The following TERB2 variants were observed in gnomAD, a reference collection of about 807,000 sequenced individuals.
TERB2 encodes telomere repeat binding bouquet formation protein 2, also known as telomere repeats-binding bouquet formation protein 2.
Under a neutral mutation model 29.8 loss-of-function variants are expected in TERB2, and 26 were observed. The ratio of observed to expected loss-of-function variants is 0.87; its 90% CI spans 0.64 to 1.21. The LOEUF (loss-of-function observed/expected upper bound fraction) is 1.21. TERB2 is among the 50% of genes most tolerant of loss of function. The pLI is 0.00. For synonymous variants in TERB2, 80 were observed against 90.8 expected, an observed-to-expected ratio of 0.88 and a Z score of 0.68; for missense variants, 240 against 268.6, an observed-to-expected ratio of 0.89 and a Z score of 0.74.
intron 6 of TERB2, among the ~76,000 whole-genome samples, chr15:44,977,242 A>G (rs1420980245): frequency 6.6e-6 from 1 of 152,174 alleles, no homozygotes; most frequent in Admixed American, 6.5e-5. Context: ...ATGTCCTTCC[A>G]GTAAACTCCC....
chr15:44,968,284 C>T (rs1332578787), intron 5 of TERB2, among the ~76,000 whole-genome samples: 5 of 152,024 alleles, frequency 3.3e-5, no homozygotes, highest in African/African-American at 1.2e-4. Flanking sequence ...GGCGTGATCT[C>T]GGCTCACTGC....
intron 6 of TERB2, chr15:44,976,276 T>C (rs1421148428): frequency 6.6e-6 from 1 of 152,204 alleles, no homozygotes; most frequent in African/African-American, 2.4e-5. Flanking sequence ...CACAGCTTTT[T>C]GTAAGGTTGC....
At chr15:44,957,129 G>T in intron 2 of TERB2, 152 bp downstream of exon 2, 1 of 858,718 alleles carries the variant, frequency 1.2e-6, no homozygotes, top group East Asian at 2.8e-5. Flanking sequence ...CAGGAGAATC[G>T]CTTGAACTCG....
In TERB2 at chr15:44,978,652, G is replaced by T. The variant is rs1424102828; in HGVS notation, c.*24G>T. ...AGTAAATTAAATTGTAAATACCTTG[G>T]CATTTATTTTCTATAAAATATTATA... On this transcript the variant is annotated 3_prime_UTR_variant, in exon 7 of 7. Transcript: ENST00000340827. 1 of 1,556,916 alleles carries T rather than the reference G, an allele frequency of 6.4e-7. No homozygotes were observed. Among genetic ancestry groups the T allele is most frequent in the Middle Eastern group, 2.3e-4 (1 of 4,334 alleles).
chr15:44,962,615 T>A lies in TERB2; in HGVS notation c.348+1031T>A, dbSNP rs371544977. On this transcript the variant is annotated intron_variant, in intron 4 of 6. Transcript: ENST00000340827. ...AAGAGTCTGTCTGAACCTATTCTGGTTCGGGGGCTGCCTGATTAACCAAAA... is the reference window on the plus strand; with the variant it reads ...AAGAGTCTGTCTGAACCTATTCTGGATCGGGGGCTGCCTGATTAACCAAAA... 3.9e-5 allele frequency among the ~76,000 whole-genome samples: 6 copies of A among 152,108 alleles called. No homozygotes were observed. In the East Asian group the frequency reaches 7.7e-4, roughly 20 times the overall value.
At chr15:44,971,976 A>G (rs1891977698) in intron 5 of TERB2, among the ~76,000 whole-genome samples, 1 of 141,896 alleles carries the variant, frequency 7.0e-6, no homozygotes, top group African/African-American at 2.6e-5. Flanking sequence ...TAAATGAAAT[A>G]GAAGCTTTTT....
In TERB2 at chr15:44,968,463, C is replaced by T. The variant is rs150707315; in HGVS notation, c.434+2220C>T. Among the ~76,000 whole-genome samples, 140 of 152,202 alleles carry T rather than the reference C, an allele frequency of 9.2e-4. No homozygotes were observed. The East Asian group carries it at 0.026, about 28-fold the overall frequency. ...CTCAAATTCCTGGCCTCAAGTGATCCACCTGCTTCAGCCTCCCAAAGTTCT... is the reference window on the plus strand; with the variant it reads ...CTCAAATTCCTGGCCTCAAGTGATCTACCTGCTTCAGCCTCCCAAAGTTCT... On this transcript the variant is annotated intron_variant, in intron 5 of 6. Transcript: ENST00000340827.
chr15:44,966,423 T>C (rs1891889625), intron 5 of TERB2, among the ~76,000 whole-genome samples, 180 bp downstream of exon 5: 1 of 152,046 alleles, frequency 6.6e-6, no homozygotes, highest in African/African-American at 2.4e-5. Context: ...CCCAAAGTCA[T>C]ACAAACTTTA....
intron 5 of TERB2, among the ~76,000 whole-genome samples, chr15:44,967,634 G>A (rs939134232): frequency 1.1e-3 from 164 of 151,300 alleles, no homozygotes; most frequent in African/African-American, 3.9e-3. Context: ...AATGTTTAAG[G>A]TCCTGGTTTG....
In TERB2 at chr15:44,961,522, GA is replaced by G; in HGVS notation, c.289del (p.Ile97Ter). The G allele has an allele frequency of 1.3e-6, 2 of 1,585,366 alleles. No homozygotes were observed. The highest frequency in any genetic ancestry group is 1.7e-6 in the Non-Finnish European group (2 of 1,167,118). On this transcript the variant is annotated frameshift_variant and splice_region_variant, in exon 4 of 7. Transcript: ENST00000340827. LOFTEE classifies it high-confidence loss of function. ...FILPPACLQK[E>X]IRRKIGSFIW... ...TATTGGATTTGTTTTTCTCACCACA[GA>G]AATAAGAAGAAAAATTGGTAGTTTT...
chr15:44,966,443 G>A (rs1437398033), intron 5 of TERB2, among the ~76,000 whole-genome samples, 200 bp downstream of exon 5: 1 of 151,998 alleles, frequency 6.6e-6, no homozygotes, highest in African/African-American at 2.4e-5. Flanking sequence ...ATTAAGTACG[G>A]GAGAAGCAGG....
intron 4 of TERB2, among the ~76,000 whole-genome samples, chr15:44,964,262 A>C (rs1442825378): frequency 6.6e-6 from 1 of 152,282 alleles, no homozygotes; most frequent in East Asian, 1.9e-4. Flanking sequence ...AAATCAGGCC[A>C]TCAACTTATA....
In TERB2 at chr15:44,956,954, T is replaced by C; in HGVS notation, c.123T>C (p.Asp41=). Residue 41 remains aspartate, a synonymous_variant, in exon 2 of 7, where the codon GAT becomes GAC. Coordinates refer to ENST00000340827, the MANE Select transcript of TERB2 (RefSeq NM_152448.3). The stretch of plus-strand genomic sequence containing the variant: ...CCGCCGACTTCTTGTTCAGCTGTGA[T>C]GCCTCGCACCCAGACACGCTGAGGT... The part of the protein sequence containing the change: ...PRAADFLFSC[D]ASHPDTLRIY... The C allele has an allele frequency of 6.2e-7, 1 of 1,613,918 alleles. No individual in the cohort carries two copies. The highest frequency in any genetic ancestry group is 8.5e-7 in the Non-Finnish European group (1 of 1,179,990).
intron 5 of TERB2, chr15:44,970,006 T>A (rs1891945357): frequency 6.6e-6 from 1 of 151,846 alleles, no homozygotes; most frequent in South Asian, 2.1e-4. Context: ...GTCCTTGTGA[T>A]CAAATGATGA....
chr15:44,956,778 C>T lies in TERB2; in HGVS notation c.60C>T (p.Phe20=), dbSNP rs1198272083. Residue 20 remains phenylalanine (F), a synonymous_variant, in exon 1 of 7, where the codon TTC becomes TTT. Transcript: ENST00000340827. ...GCGTTAGCCAGGATCTGAGGCAATT[C>T]TGGGGTAGGAAGCTGAGTGGAAGCA... ...CGSVSQDLRQ[F]WVAEGGTISD... 3.1e-6 allele frequency: 5 copies of T among 1,613,880 alleles called. No homozygotes were observed. In the South Asian group the frequency reaches 5.5e-5, roughly 18 times the overall value.
chr15:44,977,218 C>T (rs1407989250), intron 6 of TERB2, among the ~76,000 whole-genome samples: 2 of 152,064 alleles, frequency 1.3e-5, no homozygotes, highest in Admixed American at 6.5e-5. Flanking sequence ...CCTCACAGCT[C>T]GGATGATACG....
At chr15:44,971,263 G>T (rs1435994423) in intron 5 of TERB2, 2 of 152,186 alleles carry the variant, frequency 1.3e-5, no homozygotes, top group Non-Finnish European at 2.9e-5. Context: ...GGATCATCAC[G>T]GGTTCAGATT....
At chr15:44,962,169 A>G (rs936113833) in intron 4 of TERB2, among the ~76,000 whole-genome samples, 2 of 151,536 alleles carry the variant, frequency 1.3e-5, no homozygotes, top group African/African-American at 4.9e-5. Flanking sequence ...ACAGGTGCAT[A>G]GTATTTACCA....
At chr15:44,974,005 G>A (rs1192447387) in intron 6 of TERB2, 50 bp downstream of exon 6, 1 of 1,422,898 alleles carries the variant, frequency 7.0e-7, no homozygotes. Flanking sequence ...AGAAACAAGG[G>A]AATATTGTGT....
Sources: gnomAD v4.1 joint callset for allele counts (sites outside exome capture counted in the v4.1 genomes callset) on GRCh38, gnomAD v4.1.1 for gene constraint, MANE v1.5 for transcripts, NCBI Gene and HGNC (gene_info 2026-07-23, HGNC 2026-07-21) for gene names.